Variants in ANK2 observed in about 807,000 individuals in gnomAD.
ANK2 encodes ankyrin-2.
Under a neutral mutation model 360.5 loss-of-function variants are expected in ANK2, and 83 were observed. That is an observed-to-expected ratio of 0.23 (90% CI 0.19 to 0.28). The LOEUF is 0.28. Ranked by LOEUF, ANK2 falls within the 10% of genes least tolerant of loss-of-function variation. The pLI is 1.00. For missense variants in ANK2, 4,201 were observed against 4,795.7 expected (o/e 0.88, Z 3.66); for synonymous variants, 1,740 against 1,759.5 (o/e 0.99, Z 0.28).
intron 1 of ANK2, among the ~76,000 whole-genome samples, chr4:112,865,855 GTATT>G (rs746114408): frequency 1.3e-5 from 2 of 152,108 alleles, no homozygotes; most frequent in Non-Finnish European, 2.9e-5. Flanking sequence ...GGTTTTTTAT[GTATT>G]TATTCCAAAA....
intron 29 of ANK2, 58 bp from the exon 30 acceptor site, chr4:113,335,788 A>C: frequency 1.3e-6 from 2 of 1,531,904 alleles, no homozygotes; most frequent in Non-Finnish European, 1.8e-6. Flanking sequence ...GTTGGCTAGA[A>C]TGCTGTTAGA....
the ANK2 span, among the ~76,000 whole-genome samples, chr4:112,811,373 T>C: frequency 0.13 from 20,222 of 152,242 alleles, 2,131 homozygotes; most frequent in East Asian, 0.5. Context: ...AAGTTGTTAC[T>C]GATGTCAGGT....
chr4:113,300,775 G>A (rs1438036456), intron 22 of ANK2, among the ~76,000 whole-genome samples: 1 of 152,194 alleles, frequency 6.6e-6, no homozygotes, highest in South Asian at 2.1e-4. Flanking sequence ...CAACACGATC[G>A]TAGCATGGAA....
chr4:113,187,246 G>A (rs1423897695), intron 2 of ANK2, among the ~76,000 whole-genome samples: 1 of 152,164 alleles, frequency 6.6e-6, no homozygotes, highest in African/African-American at 2.4e-5. Context: ...TTTCCTTTGA[G>A]GAATAAAGGA....
chr4:113,120,483 A>T (rs1001196035), intron 1 of ANK2, among the ~76,000 whole-genome samples: 32 of 152,222 alleles, frequency 2.1e-4, no homozygotes, highest in African/African-American at 6.5e-4. Flanking sequence ...TATTCTTTCC[A>T]CAACTAGATA....
At chr4:113,226,895 A>G (rs1285907104) in intron 4 of ANK2, among the ~76,000 whole-genome samples, 1 of 152,144 alleles carries the variant, frequency 6.6e-6, no homozygotes, top group Admixed American at 6.5e-5. Context: ...TGGGCTGTGG[A>G]TATCTTTGAC....
At chr4:112,770,415 T>G in the ANK2 span, among the ~76,000 whole-genome samples, 1 of 152,168 alleles carries the variant, frequency 6.6e-6, no homozygotes, top group African/African-American at 2.4e-5. Context: ...ATCAGATTTA[T>G]GTGCATTAGG....
chr4:113,166,901 A>G (rs1264797584), intron 1 of ANK2, among the ~76,000 whole-genome samples: 1 of 152,170 alleles, frequency 6.6e-6, no homozygotes, highest in East Asian at 1.9e-4. Context: ...TGTATAATCA[A>G]AGAGAATTAT....
At chr4:113,376,054 A>G (rs2096920016) in intron 45 of ANK2, among the ~76,000 whole-genome samples, 1 of 152,236 alleles carries the variant, frequency 6.6e-6, no homozygotes, top group Admixed American at 6.5e-5. Flanking sequence ...GTGAAAAATC[A>G]GACCTTGGTG....
intron 37 of ANK2, among the ~76,000 whole-genome samples, chr4:113,352,491 A>T (rs1337241525): frequency 6.6e-6 from 1 of 152,202 alleles, no homozygotes; most frequent in Non-Finnish European, 1.5e-5. Context: ...TATTGGTAGA[A>T]CTAAACATAC....
the ANK2 span, among the ~76,000 whole-genome samples, chr4:112,738,136 G>A: frequency 2.4e-4 from 36 of 152,308 alleles, no homozygotes; most frequent in Non-Finnish European, 4.7e-4. Context: ...GAGGCCGGGT[G>A]CAGTGGCTAA....
At chr4:113,123,621 A>G (rs1046342511) in intron 1 of ANK2, among the ~76,000 whole-genome samples, 2 of 152,114 alleles carry the variant, frequency 1.3e-5, no homozygotes, top group African/African-American at 2.4e-5. Context: ...GTGAGCTGTG[A>G]TTTTAAATGT....
the ANK2 span, among the ~76,000 whole-genome samples, chr4:112,809,526 A>G: frequency 7.9e-5 from 11 of 139,352 alleles, no homozygotes; most frequent in African/African-American, 3.0e-4. Context: ...TCGCCACTGC[A>G]CTCCAGCCTG....
intron 2 of ANK2, 79 bp from the exon 3 acceptor site, chr4:113,196,289 G>A (rs2098746514): frequency 1.9e-6 from 2 of 1,073,118 alleles, no homozygotes; most frequent in Non-Finnish European, 2.8e-6. Context: ...TGTTCTCTGG[G>A]TTATATGCTT....
chr4:112,825,741 A>G (rs1317265595), intron 1 of ANK2, among the ~76,000 whole-genome samples: 3 of 152,244 alleles, frequency 2.0e-5, no homozygotes, highest in Admixed American at 2.0e-4. Flanking sequence ...AGAAACAGGT[A>G]AATTTGTACA....
intron 2 of ANK2, among the ~76,000 whole-genome samples, chr4:113,180,523 T>C (rs985147262): frequency 2.6e-5 from 4 of 152,230 alleles, no homozygotes; most frequent in Non-Finnish European, 5.9e-5. Flanking sequence ...TGCCATAGCC[T>C]GTATCACCAA....
intron 1 of ANK2, among the ~76,000 whole-genome samples, chr4:113,057,980 A>T (rs1020265303): frequency 6.6e-6 from 1 of 152,114 alleles, no homozygotes; most frequent in Non-Finnish European, 1.5e-5. Context: ...TTTGCTCTGG[A>T]TCTTCTGTTG....
intron 2 of ANK2, among the ~76,000 whole-genome samples, chr4:113,191,329 G>C (rs148984729): frequency 2.0e-5 from 3 of 152,102 alleles, no homozygotes; most frequent in Admixed American, 2.0e-4. Flanking sequence ...TGGACAACAA[G>C]AGCAAAATTC....
chr4:113,354,278 C>G lies in ANK2; in HGVS notation c.5660C>G (p.Thr1887Ser). Residue 1887 changes from threonine to serine, a missense_variant, in exon 38 of 46, where the codon ACT (threonine) becomes AGT (serine). Physicochemically the swap from Thr to Ser is moderately conservative, Grantham distance 58. Coordinates refer to ENST00000357077, the MANE Select transcript of ANK2 (RefSeq NM_001148.6). ...TCACCTGTATCACCCTCGACAAAAACTGAAAGGCACTCTCCTGTGTCATCT... is the reference window on the plus strand; with the variant it reads ...TCACCTGTATCACCCTCGACAAAAAGTGAAAGGCACTCTCCTGTGTCATCT... ...KHSPVSPSTK[T>S]ERHSPVSSTK... 6.2e-7 allele frequency: 1 copy of G among 1,614,144 alleles called. No individual in the cohort carries two copies. Among genetic ancestry groups the G allele is most frequent in the East Asian group, 2.2e-5 (1 of 44,878 alleles).
Sources: gnomAD v4.1 joint callset for allele counts (sites outside exome capture counted in the v4.1 genomes callset) on GRCh38, gnomAD v4.1.1 for gene constraint, MANE v1.5 for transcripts, NCBI Gene and HGNC (gene_info 2026-07-23, HGNC 2026-07-21) for gene names.